Variants in TAF5L observed in about 807,000 individuals in gnomAD.
TAF5L encodes the protein TATA-box binding protein associated factor 5 like.
In TAF5L, 7 loss-of-function variants were observed where a neutral mutation model predicts 51.3. The ratio of observed to expected loss-of-function variants is 0.14; its 90% confidence interval spans 0.08 to 0.26. The LOEUF is 0.26. Ranked by LOEUF, TAF5L falls within the 10% of genes least tolerant of loss-of-function variation. The pLI, the probability that TAF5L is intolerant of heterozygous loss-of-function variation, is 1.00. For missense variants in TAF5L, 575 were observed against 758.9 expected (o/e 0.76, Z 2.85); for synonymous variants, 291 against 308.1 (o/e 0.94, Z 0.58).
At chr1:229,595,082 C>T in exon 5 of TAF5L, 1 of 1,594,574 alleles carries the variant, frequency 6.3e-7, no homozygotes, top group East Asian at 2.2e-5. Context: ...CCTGCATTAT[C>T]ATCCTCATCA....
Position 229,594,162 on chromosome 1 carries a change from T to G in TAF5L, c.*135A>C. On this transcript the variant is annotated 3_prime_UTR_variant, in exon 5 of 5. Coordinates refer to ENST00000258281, the Ensembl canonical transcript of TAF5L. This position sits in a 1 kb window ranked among gnomAD's most constrained non-coding sequence, Gnocchi z 7.9. ...CTGGGGGGCTGAGTGAAGGGGGACC[T>G]GCCCGGAATGAGGGCCCAGGAGAGA... 9.4e-7 allele frequency: 1 copy of G among 1,063,678 alleles called. No individual in the cohort carries two copies. Among genetic ancestry groups the G allele is most frequent in the South Asian group, 1.7e-5 (1 of 59,588 alleles). The allele number at this position is 1,063,678 out of a possible 1,614,324, so 65.9% of individuals were successfully genotyped here. A position where few individuals can be genotyped will look rare whatever the true frequency, so the allele number is the denominator to read the frequency against.
chr1:229,614,032 T>C (rs1558152257), intron 2 of TAF5L: 2 of 599,810 alleles, frequency 3.3e-6, no homozygotes, highest in East Asian at 2.8e-5. Flanking sequence ...TGTAGGTTAA[T>C]TGTTTACAGA....
At chr1:229,619,492 T>C (rs1458410949) in intron 1 of TAF5L, among the ~76,000 whole-genome samples, 1 of 152,070 alleles carries the variant, frequency 6.6e-6, no homozygotes, top group Non-Finnish European at 1.5e-5. Flanking sequence ...TGGTAGAAAG[T>C]AGGTGGAAAT....
exon 1 of TAF5L, chr1:229,626,020 C>A (rs1055248951): frequency 6.6e-6 from 1 of 150,524 alleles, no homozygotes; most frequent in African/African-American, 2.4e-5. Context: ...CGCGCCCCGC[C>A]GCCCCCGCCG....
chr1:229,625,998 G>T lies in TAF5L; in HGVS notation c.-117C>A, dbSNP rs549269532. 1 of 145,862 alleles carries T rather than the reference G, an allele frequency of 6.9e-6. No individual in the cohort carries two copies. Among genetic ancestry groups the T allele is most frequent in the Non-Finnish European group, 1.5e-5 (1 of 65,356 alleles). 9.0% of individuals were successfully genotyped at this position (145,862 alleles called of 1,614,324 possible). On this transcript the variant is annotated 5_prime_UTR_variant, in exon 1 of 5. Transcript: ENST00000258281. This position sits in a 1 kb window ranked among gnomAD's most constrained non-coding sequence, Gnocchi z 4.0. The stretch of plus-strand genomic sequence containing the variant: ...TCACTCCGACGGCCGGCTCAGCTGG[G>T]CCCCCGCGCCCCGCGCCCCGCCGCC...
chr1:229,595,125 AAC>A (rs1222816309), intron 4 of TAF5L, 31 bp from the exon 5 acceptor site: 4 of 1,538,228 alleles, frequency 2.6e-6, no homozygotes, highest in Non-Finnish European at 2.6e-6. Context: ...TGGGAAAAGA[AAC>A]ACACACAAAA....
At chr1:229,593,557 A>G (rs1457994109) in exon 5 of TAF5L, 1 of 151,982 alleles carries the variant, frequency 6.6e-6, no homozygotes, top group Non-Finnish European at 1.5e-5. Context: ...TTCCAGAAAC[A>G]TGTCAGCCAG....
chr1:229,614,614 T>C (rs2102760775), intron 1 of TAF5L, 129 bp from the exon 2 acceptor site: 2 of 1,184,504 alleles, frequency 1.7e-6, no homozygotes, highest in Non-Finnish European at 2.4e-6. Flanking sequence ...AGTGGCCTAG[T>C]TAAGACGCAA....
intron 4 of TAF5L, chr1:229,599,922 G>C: frequency 1.0e-6 from 1 of 985,442 alleles, no homozygotes; most frequent in Non-Finnish European, 1.2e-6. Flanking sequence ...TTTTTAATCT[G>C]ACTTACATAG....
In TAF5L at chr1:229,602,678, G is replaced by A. The variant is rs745642223; in HGVS notation, c.489C>T (p.Tyr163=). 8.7e-6 allele frequency: 14 copies of A among 1,614,060 alleles called. No individual in the cohort carries two copies. Among genetic ancestry groups the A allele is most frequent in the Middle Eastern group, 1.6e-4 (1 of 6,082 alleles). ...AGCTGTCTTCTTGGAGACGGACCACGTACTTGTTATCTAGGAATGCTCGAA... is the reference window on the plus strand; with the variant it reads ...AGCTGTCTTCTTGGAGACGGACCACATACTTGTTATCTAGGAATGCTCGAA... Residue 163 remains tyrosine (Y), a synonymous_variant, in exon 4 of 5, where the codon TAC becomes TAT. Transcript: ENST00000258281. This position sits in a 1 kb window ranked among gnomAD's most constrained non-coding sequence, Gnocchi z 4.6.
chr1:229,593,788 T>C (rs1163720278), exon 5 of TAF5L: 1 of 152,010 alleles, frequency 6.6e-6, no homozygotes, highest in Non-Finnish European at 1.5e-5. Flanking sequence ...AAAAAAATCC[T>C]GGTTCTCTGT....
Position 229,603,015 on chromosome 1 carries a change from T to C in TAF5L, c.248-96A>G, listed in dbSNP as rs548369405. ...TCACCACCATCATATAATGCTTTCT[T>C]GCCAGGACCCCATTTTTTAAGAGTA... On this transcript the variant is annotated intron_variant, in intron 3 of 4. Coordinates refer to ENST00000258281, the Ensembl canonical transcript of TAF5L. 21 of 1,456,382 alleles carry C rather than the reference T, an allele frequency of 1.4e-5. 1 individual carries two copies. The African/African-American group carries it at 2.7e-4, about 19-fold the overall frequency. 90.2% of individuals were successfully genotyped at this position (1,456,382 alleles called of 1,614,324 possible). A position where few individuals can be genotyped will look rare whatever the true frequency, so the allele number is the denominator to read the frequency against.
At chr1:229,613,776 C>T (rs1274717750) in intron 2 of TAF5L, among the ~76,000 whole-genome samples, 1 of 152,138 alleles carries the variant, frequency 6.6e-6, no homozygotes, top group Non-Finnish European at 1.5e-5. Context: ...GATGACTATA[C>T]TTATTAATCC....
intron 2 of TAF5L, among the ~76,000 whole-genome samples, chr1:229,612,875 T>C (rs1171390004): frequency 6.6e-6 from 1 of 152,150 alleles, no homozygotes; most frequent in Non-Finnish European, 1.5e-5. Context: ...GAGAAGAATG[T>C]AGCCTGAGCA....
chr1:229,602,658 T>C lies in TAF5L; in HGVS notation c.509A>G (p.Asp170Gly). The C allele has an allele frequency of 1.2e-6, 2 of 1,614,188 alleles. No homozygotes were observed. The highest frequency in any genetic ancestry group is 1.7e-6 in the Non-Finnish European group (2 of 1,180,024). Residue 170 changes from aspartate to glycine, a missense_variant, in exon 4 of 5, where the codon GAC becomes GGC. Coordinates refer to ENST00000258281, the Ensembl canonical transcript of TAF5L. The surrounding 1 kb of genome is among the most constrained non-coding windows in gnomAD (Gnocchi z 4.6). ...GTAGCGGATAAGGTAGTTGTAGCTGTCTTCTTGGAGACGGACCACGTACTT... is the reference window on the plus strand; with the variant it reads ...GTAGCGGATAAGGTAGTTGTAGCTGCCTTCTTGGAGACGGACCACGTACTT...
chr1:229,594,009 G>C lies in TAF5L; in HGVS notation c.*288C>G. On this transcript the variant is annotated 3_prime_UTR_variant, in exon 5 of 5. Transcript: ENST00000258281. The surrounding 1 kb of genome is among the most constrained non-coding windows in gnomAD (Gnocchi z 7.9). ...GATGGTGAAAATGAGAGACAGGAAG[G>C]TGCTCGCATGCGCGAGGTCACGGCA... The C allele has an allele frequency of 3.1e-6, 1 of 322,186 alleles. No individual in the cohort carries two copies. The highest frequency in any genetic ancestry group is 5.9e-6 in the Non-Finnish European group (1 of 170,590). 20.0% of individuals were successfully genotyped at this position (322,186 alleles called of 1,614,324 possible).
chr1:229,600,035 G>C (rs1664310916), intron 4 of TAF5L: 1 of 983,550 alleles, frequency 1.0e-6, no homozygotes, highest in Non-Finnish European at 1.2e-6. Context: ...CCTGTATTAA[G>C]AGTCTCTATT....
At chr1:229,603,731 TATTTAAAAGGTGTA>T in intron 3 of TAF5L, among the ~76,000 whole-genome samples, 1 of 152,378 alleles carries the variant, frequency 6.6e-6, no homozygotes, top group Middle Eastern at 3.4e-3. Context: ...CAGAGAATGT[TATTTAAAAGGTGTA>T]CAGCTTGAAT....
chr1:229,615,244 C>T (rs1013536700), intron 1 of TAF5L, among the ~76,000 whole-genome samples: 11 of 152,242 alleles, frequency 7.2e-5, no homozygotes, highest in Middle Eastern at 3.4e-3. Flanking sequence ...CCCACCACCA[C>T]GCCCAGCTAA....
Sources: allele counts gnomAD v4.1 joint callset (sites outside exome capture counted in the v4.1 genomes callset), GRCh38; gene constraint gnomAD v4.1.1; non-coding constraint Gnocchi (gnomAD v3.1); transcripts MANE v1.5; gene names NCBI Gene and HGNC (gene_info 2026-07-23, HGNC 2026-07-21).